Variants in MCTP2 observed in about 807,000 individuals in gnomAD.
MCTP2 encodes the protein multiple C2 and transmembrane domain-containing protein 2.
In MCTP2, 132 loss-of-function variants were observed where a neutral mutation model predicts 111.6. The ratio of observed to expected loss-of-function variants is 1.18; its 90% CI spans 1.03 to 1.37. The LOEUF is 1.37. Among genes scored for constraint, MCTP2 ranks in the 40% most tolerant of loss-of-function variants. The pLI, the probability that MCTP2 is intolerant of heterozygous loss-of-function variation, is 0.00. For missense variants in MCTP2, 1,183 were observed against 1,067.9 expected (o/e 1.11, Z -1.50); for synonymous variants, 395 against 387.7 (o/e 1.02, Z -0.22).
At position 94,301,833 on chromosome 15, in the gene MCTP2, C is replaced by CTT. The variant is rs59217006; in HGVS notation, c.465+3118_465+3119dup. Among the ~76,000 whole-genome samples the CTT allele has an allele frequency of 4.2e-3, 538 of 129,188 alleles. 7 individuals carry two copies. The highest frequency in any genetic ancestry group is 0.014 in the African/African-American group (499 of 35,922). 84.8% of individuals were successfully genotyped at this position (129,188 alleles called of 152,430 possible). A position where few individuals can be genotyped will look rare whatever the true frequency, so the allele number is the denominator to read the frequency against. On this transcript the variant is annotated intron_variant, in intron 2 of 22. Transcript: ENST00000357742. ...TTTAACTCTGAATTTATCATTTCTG[C>CTT]TTTTTTTTTTTTTTTTAAACAAAGG...
At chr15:94,361,225 G>A (rs11633618) in intron 10 of MCTP2, among the ~76,000 whole-genome samples, 3,307 of 149,848 alleles carry the variant, frequency 0.022, 70 homozygotes, top group African/African-American at 0.064. Flanking sequence ...CAAATGTATC[G>A]TAACTCTCCT....
chr15:94,333,453 A>AT (rs2077219954), intron 4 of MCTP2, among the ~76,000 whole-genome samples: 2 of 152,016 alleles, frequency 1.3e-5, no homozygotes, highest in Non-Finnish European at 2.9e-5. Context: ...TCAAAAAAAA[A>AT]GCAAAGAGAA....
chr15:94,233,818 A>G (rs928160629), intron 1 of MCTP2, among the ~76,000 whole-genome samples: 1 of 152,228 alleles, frequency 6.6e-6, no homozygotes, highest in African/African-American at 2.4e-5. Context: ...TGAGTGAAAA[A>G]TAGTACTCTG....
chr15:94,467,928 G>A (rs1324505611), intron 20 of MCTP2, among the ~76,000 whole-genome samples: 1 of 152,180 alleles, frequency 6.6e-6, no homozygotes, highest in Non-Finnish European at 1.5e-5. Flanking sequence ...GCATAATAAA[G>A]AAGGGAGAAA....
At chr15:94,426,699 T>C (rs1309619793) in intron 17 of MCTP2, among the ~76,000 whole-genome samples, 1 of 152,176 alleles carries the variant, frequency 6.6e-6, no homozygotes, top group Non-Finnish European at 1.5e-5. Context: ...TGGTCATTGT[T>C]TTTTCCTTCT....
At chr15:94,345,520 T>G (rs940486396) in intron 8 of MCTP2, among the ~76,000 whole-genome samples, 3 of 152,152 alleles carry the variant, frequency 2.0e-5, no homozygotes, top group African/African-American at 4.8e-5. Context: ...GTAGGGGCAA[T>G]GTAAGGGTTG....
At chr15:94,281,987 G>T (rs1426003011) in intron 1 of MCTP2, among the ~76,000 whole-genome samples, 2 of 152,020 alleles carry the variant, frequency 1.3e-5, no homozygotes, top group Non-Finnish European at 2.9e-5. Flanking sequence ...CTTTTGCAAT[G>T]ATTTCAAAGA....
chr15:94,344,856 G>A (rs746218171), intron 7 of MCTP2, among the ~76,000 whole-genome samples: 1 of 152,112 alleles, frequency 6.6e-6, no homozygotes, highest in Admixed American at 6.5e-5. Flanking sequence ...TTTTAAAAAT[G>A]TACTTCTAAA....
At chr15:94,434,859 T>C (rs1596697308) in intron 17 of MCTP2, among the ~76,000 whole-genome samples, 2 of 137,906 alleles carry the variant, frequency 1.5e-5, no homozygotes, top group East Asian at 2.2e-4. Context: ...CTTTCTTTCT[T>C]TTTTTTTTTC....
intron 7 of MCTP2, 42 bp downstream of exon 7, chr15:94,340,966 C>A: frequency 5.3e-6 from 7 of 1,331,646 alleles, no homozygotes; most frequent in South Asian, 3.6e-5. Context: ...CTCATTTTGT[C>A]GTTTTGAAAT....
At chr15:94,417,750 GTCTA>G (rs1308897668) in intron 17 of MCTP2, among the ~76,000 whole-genome samples, 5 of 152,098 alleles carry the variant, frequency 3.3e-5, no homozygotes, top group Non-Finnish European at 5.9e-5. Flanking sequence ...CAAATAGGTA[GTCTA>G]TCTGAGTAAC....
chr15:94,403,336 G>T (rs952372031), intron 17 of MCTP2: 3 of 749,756 alleles, frequency 4.0e-6, no homozygotes, highest in African/African-American at 3.8e-5. Flanking sequence ...GGCTTCATGC[G>T]TTGAGTTCCC....
At chr15:94,409,536 A>G (rs909543658) in intron 17 of MCTP2, among the ~76,000 whole-genome samples, 21 of 152,054 alleles carry the variant, frequency 1.4e-4, no homozygotes, top group African/African-American at 4.8e-4. Context: ...TACAGATCCC[A>G]AGTAGTGCAG....
intron 12 of MCTP2, 46 bp from the exon 13 acceptor site, chr15:94,383,976 T>C: frequency 1.4e-6 from 2 of 1,381,648 alleles, no homozygotes; most frequent in Non-Finnish European, 2.1e-6. Flanking sequence ...CCTTGTCCCT[T>C]TCGAGATTCA....
At chr15:94,455,953 T>C (rs1405445957) in intron 19 of MCTP2, among the ~76,000 whole-genome samples, 11 of 152,246 alleles carry the variant, frequency 7.2e-5, no homozygotes, top group African/African-American at 2.7e-4. Context: ...ATTCTTCGTG[T>C]GTCATTTTTA....
intron 1 of MCTP2, among the ~76,000 whole-genome samples, chr15:94,244,568 G>T (rs930927314): frequency 6.9e-6 from 1 of 144,948 alleles, no homozygotes; most frequent in Admixed American, 6.7e-5. Flanking sequence ...GTTTATATAC[G>T]TATATGTATA....
At chr15:94,318,272 A>ATTT (rs199556945) in intron 4 of MCTP2, among the ~76,000 whole-genome samples, 53 of 143,114 alleles carry the variant, frequency 3.7e-4, no homozygotes, top group Non-Finnish European at 5.5e-4. Flanking sequence ...CAAAAAAAAA[A>ATTT]TTTTTTTTTT....
At chr15:94,259,534 G>T in intron 1 of MCTP2, among the ~76,000 whole-genome samples, 1 of 152,212 alleles carries the variant, frequency 6.6e-6, no homozygotes, top group East Asian at 1.9e-4. Flanking sequence ...AACTATTTCT[G>T]TTCTATGTAG....
At chr15:94,388,012 CGA>C (rs1178181477) in intron 14 of MCTP2, among the ~76,000 whole-genome samples, 3 of 151,872 alleles carry the variant, frequency 2.0e-5, no homozygotes, top group Non-Finnish European at 4.4e-5. Flanking sequence ...GTGCCTGTGG[CGA>C]ACAGGAAAGG....
Sources: allele counts gnomAD v4.1 joint callset (sites outside exome capture counted in the v4.1 genomes callset), GRCh38; gene constraint gnomAD v4.1.1; transcripts MANE v1.5; gene names NCBI Gene and HGNC (gene_info 2026-07-23, HGNC 2026-07-21).